Variants in SGK3 observed in about 807,000 individuals in gnomAD.
SGK3 encodes the protein serine/threonine-protein kinase Sgk3.
SGK3 carries 47 observed loss-of-function variants against 68.5 expected under a neutral mutation model. That is an observed-to-expected ratio of 0.69 (90% CI 0.54 to 0.87). The LOEUF is 0.87. Ranked by LOEUF, SGK3 falls within the 40% of genes least tolerant of loss-of-function variation. The probability of loss-of-function intolerance (pLI) is 0.00; values close to 1 mark genes in which losing one functional copy is unlikely to be tolerated. For missense variants in SGK3, 479 were observed against 575.5 expected (o/e 0.83, Z 1.72); for synonymous variants, 181 against 189.1 (o/e 0.96, Z 0.35).
At chr8:66,792,597 G>A (rs966865595) in intron 1 of SGK3, among the ~76,000 whole-genome samples, 2 of 152,118 alleles carry the variant, frequency 1.3e-5, no homozygotes, top group Non-Finnish European at 2.9e-5. Flanking sequence ...GTATTATTTA[G>A]TCTGGGTGCG....
chr8:66,754,121 A>T (rs1174535051), intron 1 of SGK3, among the ~76,000 whole-genome samples: 2 of 152,162 alleles, frequency 1.3e-5, no homozygotes, highest in African/African-American at 2.4e-5. Context: ...GGTGGGACTC[A>T]CATAAGCTTC....
At chr8:66,747,061 C>T (rs540922577) in intron 1 of SGK3, among the ~76,000 whole-genome samples, 46 of 143,408 alleles carry the variant, frequency 3.2e-4, no homozygotes, top group Admixed American at 9.8e-4. Flanking sequence ...TTTCTCATTT[C>T]AAAAAAAAAA....
rs567062829 is a variant in SGK3, at chr8:66,754,863, A to G, written c.-121-38753A>G. On this transcript the variant is annotated intron_variant, in intron 1 of 16. Transcript: ENST00000521198. Reference sequence around the variant, plus strand: ...GCTTATACACACATTAACACTTAACAGTTACCAATATGACACACCATTAAT... The same window carrying G: ...GCTTATACACACATTAACACTTAACGGTTACCAATATGACACACCATTAAT... 5.5e-4 allele frequency among the ~76,000 whole-genome samples: 84 copies of G among 152,386 alleles called. 2 individuals carry two copies. In the South Asian group the frequency reaches 5.8e-3, roughly 11 times the overall value.
chr8:66,841,792 T>A (rs942799246), intron 13 of SGK3, among the ~76,000 whole-genome samples: 1 of 152,202 alleles, frequency 6.6e-6, no homozygotes, highest in East Asian at 1.9e-4. Context: ...TCTAATCATG[T>A]TAGCTAGCAA....
chr8:66,777,146 G>T (rs1806745352), intron 1 of SGK3, among the ~76,000 whole-genome samples: 1 of 152,198 alleles, frequency 6.6e-6, no homozygotes, highest in African/African-American at 2.4e-5. Flanking sequence ...TGTTTTGTTA[G>T]TTGCTGACTC....
chr8:66,742,151 G>C (rs542585444), intron 1 of SGK3, among the ~76,000 whole-genome samples: 49 of 152,292 alleles, frequency 3.2e-4, no homozygotes, highest in Admixed American at 2.7e-3. Flanking sequence ...AGAGCTATCT[G>C]TATTACTGTA....
At chr8:66,806,022 C>A (rs1318237927) in intron 4 of SGK3, among the ~76,000 whole-genome samples, 1 of 152,208 alleles carries the variant, frequency 6.6e-6, no homozygotes, top group African/African-American at 2.4e-5. Context: ...GCACCTTTTT[C>A]ATATTTCTTC....
In SGK3 at chr8:66,774,945, C is replaced by T. The variant is rs1806635151; in HGVS notation, c.-121-18671C>T. On this transcript the variant is annotated intron_variant, in intron 1 of 16. Coordinates refer to ENST00000521198, the MANE Select transcript of SGK3 (RefSeq NM_001033578.3). ...GGGGAGAGTGCCTTCTCATTCCTTG[C>T]CCCCGCCCAAGGCTCTCTTCACCTT... 3.3e-5 allele frequency among the ~76,000 whole-genome samples: 5 copies of T among 152,294 alleles called. No homozygotes were observed. In the South Asian group the frequency reaches 8.3e-4, roughly 25 times the overall value.
At chr8:66,769,976 C>T (rs560569264) in intron 1 of SGK3, among the ~76,000 whole-genome samples, 10 of 152,196 alleles carry the variant, frequency 6.6e-5, no homozygotes, top group African/African-American at 1.7e-4. Flanking sequence ...GTTTTTGAGA[C>T]GGAGCCTCGC....
chr8:66,845,788 GCTCT>G (rs1809988073), intron 14 of SGK3, among the ~76,000 whole-genome samples: 1 of 151,490 alleles, frequency 6.6e-6, no homozygotes, highest in Admixed American at 6.6e-5. Flanking sequence ...AAACTCCTGA[GCTCT>G]AGTGATCTGC....
chr8:66,823,394 T>C (rs1338732600), intron 6 of SGK3, among the ~76,000 whole-genome samples: 1 of 151,822 alleles, frequency 6.6e-6, no homozygotes, highest in Admixed American at 6.6e-5. Context: ...CCTTGTTTTT[T>C]TTTTTTTTTG....
chr8:66,736,943 T>G (rs187598922), intron 1 of SGK3, among the ~76,000 whole-genome samples: 18 of 151,988 alleles, frequency 1.2e-4, no homozygotes, highest in African/African-American at 3.6e-4. Flanking sequence ...TTAAAAAATT[T>G]TTAAAAAAAT....
At chr8:66,751,828 C>T (rs896093927) in intron 1 of SGK3, among the ~76,000 whole-genome samples, 4 of 151,864 alleles carry the variant, frequency 2.6e-5, no homozygotes, top group East Asian at 3.9e-4. Context: ...TGCAGTGGCG[C>T]GATCTCGGCT....
intron 1 of SGK3, among the ~76,000 whole-genome samples, chr8:66,762,686 G>A (rs1408597911): frequency 6.6e-6 from 1 of 152,020 alleles, no homozygotes; most frequent in Non-Finnish European, 1.5e-5. Flanking sequence ...ATCTAAATAA[G>A]ATCCATACAA....
chr8:66,724,290 T>C (rs977520211), intron 1 of SGK3, among the ~76,000 whole-genome samples: 2 of 152,168 alleles, frequency 1.3e-5, no homozygotes, highest in African/African-American at 4.8e-5. Flanking sequence ...TATTTCTCCT[T>C]TTAAAAGTCC....
intron 1 of SGK3, among the ~76,000 whole-genome samples, chr8:66,771,289 T>C (rs187167727): frequency 6.6e-6 from 1 of 152,330 alleles, no homozygotes; most frequent in East Asian, 1.9e-4. Context: ...ATTATAAAGG[T>C]TTGCCGTGAC....
chr8:66,853,576 A>G (rs1810384518), intron 16 of SGK3, among the ~76,000 whole-genome samples: 1 of 152,188 alleles, frequency 6.6e-6, no homozygotes, highest in South Asian at 2.1e-4. Flanking sequence ...ACTGAGAATT[A>G]TTTCAAAATC....
chr8:66,743,855 T>C (rs897943761), intron 1 of SGK3, among the ~76,000 whole-genome samples: 2 of 152,246 alleles, frequency 1.3e-5, no homozygotes, highest in East Asian at 1.9e-4. Flanking sequence ...CTAAGCCCTG[T>C]AGCAGCCTTG....
intron 3 of SGK3, among the ~76,000 whole-genome samples, chr8:66,804,091 C>A (rs1218325757): frequency 6.6e-6 from 1 of 152,114 alleles, no homozygotes; most frequent in Non-Finnish European, 1.5e-5. Flanking sequence ...TCTGTAAGGT[C>A]ATTGTTAAAA....
Sources: gnomAD v4.1 joint callset for allele counts (sites outside exome capture counted in the v4.1 genomes callset) on GRCh38, gnomAD v4.1.1 for gene constraint, MANE v1.5 for transcripts, NCBI Gene and HGNC (gene_info 2026-07-23, HGNC 2026-07-21) for gene names.